Variants in CMTM8 observed in about 807,000 individuals in gnomAD.
CMTM8 encodes the protein CKLF like MARVEL transmembrane domain containing 8.
A neutral mutation model predicts 18.6 loss-of-function variants in CMTM8; 12 were observed. That is an observed-to-expected ratio of 0.65 (90% CI 0.41 to 1.05). The LOEUF is 1.05. CMTM8 is among the 50% of genes least tolerant of loss of function. CMTM8 has a pLI of 0.00. For missense variants in CMTM8, 217 were observed against 227.2 expected (o/e 0.95, Z 0.29); for synonymous variants, 87 against 90.6 (o/e 0.96, Z 0.23).
At chr3:32,261,336 A>G (rs1011679717) in intron 1 of CMTM8, among the ~76,000 whole-genome samples, 3 of 152,188 alleles carry the variant, frequency 2.0e-5, no homozygotes, top group Non-Finnish European at 1.5e-5. Flanking sequence ...GCACCTTTCT[A>G]TGTTTATTTA....
In CMTM8 at chr3:32,369,897, T is replaced by C. The variant is rs763876838; in HGVS notation, c.452T>C (p.Leu151Pro). 6.2e-7 allele frequency: 1 copy of C among 1,609,112 alleles called. No individual in the cohort carries two copies. The highest frequency in any genetic ancestry group is 1.3e-5 in the African/African-American group (1 of 74,890). The part of the protein sequence containing the change: ...SWAASSFFAF[L>P]VTICYAGNTY... Reference sequence around the variant, plus strand: ...TGTTTTCTCCAGTTCTTTGCCTTCCTGGTCACCATCTGCTACGCTGGAAAT... The same window carrying C: ...TGTTTTCTCCAGTTCTTTGCCTTCCCGGTCACCATCTGCTACGCTGGAAAT... Residue 151 changes from leucine to proline, a missense_variant, in exon 4 of 4, where the codon CTG (leucine) becomes CCG (proline). Transcript: ENST00000307526.
At chr3:32,275,318 C>T (rs1702499877) in intron 1 of CMTM8, among the ~76,000 whole-genome samples, 1 of 152,052 alleles carries the variant, frequency 6.6e-6, no homozygotes, top group Non-Finnish European at 1.5e-5. Context: ...TTTTTCTGAG[C>T]AGAATGACAC....
chr3:32,357,942 A>C (rs1388671734), intron 2 of CMTM8, among the ~76,000 whole-genome samples: 2 of 152,164 alleles, frequency 1.3e-5, no homozygotes, highest in Non-Finnish European at 2.9e-5. Flanking sequence ...TGTGGCCTTA[A>C]CCCTTTGTAC....
intron 2 of CMTM8, among the ~76,000 whole-genome samples, chr3:32,366,801 G>C (rs1009388960): frequency 3.3e-5 from 5 of 152,312 alleles, no homozygotes; most frequent in Admixed American, 6.5e-5. Flanking sequence ...CATTCCTAAT[G>C]AGTCATTTAG....
intron 1 of CMTM8, among the ~76,000 whole-genome samples, chr3:32,308,199 C>T (rs1271659941): frequency 6.6e-6 from 1 of 152,146 alleles, no homozygotes; most frequent in Non-Finnish European, 1.5e-5. Context: ...CACAGGGAGG[C>T]GGAGACATTC....
At chr3:32,357,886 G>T (rs17279970) in intron 2 of CMTM8, among the ~76,000 whole-genome samples, 2 of 151,998 alleles carry the variant, frequency 1.3e-5, no homozygotes, top group Non-Finnish European at 2.9e-5. Context: ...ATATGCCAGG[G>T]CGCCAACCTC....
chr3:32,239,065 C>T lies in CMTM8; in HGVS notation c.93C>T (p.Ala31=), dbSNP rs763857851. 4 of 1,598,584 alleles carry T rather than the reference C, an allele frequency of 2.5e-6. No individual in the cohort carries two copies. The highest frequency in any genetic ancestry group is 3.4e-6 in the Non-Finnish European group (4 of 1,173,234). Residue 31 remains alanine (A), a synonymous_variant, in exon 1 of 4, where the codon GCC becomes GCT. Transcript: ENST00000307526. The part of the protein sequence containing the change: ...ENFSTSSSSF[A]YDREFLRTLP... ...TCTCCACCAGCAGCAGCAGCTTCGCCTACGACCGGGAGTTCCTCCGCACCC... is the reference window on the plus strand; with the variant it reads ...TCTCCACCAGCAGCAGCAGCTTCGCTTACGACCGGGAGTTCCTCCGCACCC...
At chr3:32,282,701 G>A (rs898318290) in intron 1 of CMTM8, among the ~76,000 whole-genome samples, 2 of 152,142 alleles carry the variant, frequency 1.3e-5, no homozygotes, top group Non-Finnish European at 2.9e-5. Flanking sequence ...TGCATTTGGA[G>A]TGAGAGAGCC....
Position 32,238,792 on chromosome 3 carries a change from G to C in CMTM8, c.-181G>C, listed in dbSNP as rs1701903380. On this transcript the variant is annotated 5_prime_UTR_variant, in exon 1 of 4. Transcript: ENST00000307526. ...CGCACCGAGGCGCTAGGGGCACCGC[G>C]CACTAGAGGGACACCCGCCGCGCCT... The C allele has an allele frequency of 8.5e-6, 3 of 354,308 alleles. No homozygotes were observed. The highest frequency in any genetic ancestry group is 9.8e-6 in the Non-Finnish European group (2 of 203,506). The allele number at this position is 354,308 out of a possible 1,614,324, so 21.9% of individuals were successfully genotyped here.
chr3:32,249,089 G>A (rs9853415), intron 1 of CMTM8, among the ~76,000 whole-genome samples: 58,126 of 129,674 alleles, frequency 0.45, 13,100 homozygotes, highest in Middle Eastern at 0.57. Flanking sequence ...CGCCCAGGCC[G>A]CACTGCAGGC....
chr3:32,238,723 C>G lies in CMTM8; in HGVS notation c.-250C>G, dbSNP rs570411976. 2.1e-5 allele frequency: 5 copies of G among 235,720 alleles called. No homozygotes were observed. Among genetic ancestry groups the G allele is most frequent in the Admixed American group, 1.7e-4 (3 of 17,606 alleles). The allele number at this position is 235,720 out of a possible 1,614,324, so 14.6% of individuals were successfully genotyped here. A position where few individuals can be genotyped will look rare whatever the true frequency, so the allele number is the denominator to read the frequency against. ...GGCTGCCCGGCAGCCTCCCCTCGCT[C>G]GCTCTCCTCTTCCTCTAGGGCCCCA... is the stretch of plus-strand genomic sequence containing the variant. On this transcript the variant is annotated 5_prime_UTR_variant, in exon 1 of 4. Coordinates refer to ENST00000307526, the MANE Select transcript of CMTM8 (RefSeq NM_178868.5).
chr3:32,333,345 A>G (rs1166529561), intron 1 of CMTM8, among the ~76,000 whole-genome samples: 1 of 152,228 alleles, frequency 6.6e-6, no homozygotes, highest in Non-Finnish European at 1.5e-5. Context: ...TTCCTCATCT[A>G]GCTCCTTGCT....
At chr3:32,290,732 TTG>T (rs1348360385) in intron 1 of CMTM8, among the ~76,000 whole-genome samples, 2 of 152,240 alleles carry the variant, frequency 1.3e-5, no homozygotes, top group African/African-American at 2.4e-5. Flanking sequence ...ACACTTGTGT[TTG>T]TGTTTGCAGT....
intron 1 of CMTM8, among the ~76,000 whole-genome samples, chr3:32,276,475 C>T (rs115929149): frequency 0.011 from 1,736 of 152,278 alleles, 18 homozygotes; most frequent in Middle Eastern, 0.031. Context: ...TGAGAAATAC[C>T]TTCATGCTGG....
chr3:32,275,125 C>G (rs1485721066), intron 1 of CMTM8, among the ~76,000 whole-genome samples: 2 of 152,106 alleles, frequency 1.3e-5, no homozygotes, highest in Non-Finnish European at 2.9e-5. Flanking sequence ...CCACCTCAGC[C>G]TCCCAAGTAG....
chr3:32,294,347 G>C (rs186136431), intron 1 of CMTM8, among the ~76,000 whole-genome samples: 1 of 152,176 alleles, frequency 6.6e-6, no homozygotes, highest in African/African-American at 2.4e-5. Context: ...ATCCTGTGAG[G>C]CTTCCAGATG....
At chr3:32,257,569 C>T (rs1321229783) in intron 1 of CMTM8, among the ~76,000 whole-genome samples, 1 of 152,122 alleles carries the variant, frequency 6.6e-6, no homozygotes, top group African/African-American at 2.4e-5. Flanking sequence ...CCTTTCAACC[C>T]ATCTATTGCT....
chr3:32,269,353 T>G (rs1414953491), intron 1 of CMTM8, among the ~76,000 whole-genome samples: 1 of 152,254 alleles, frequency 6.6e-6, no homozygotes, highest in Non-Finnish European at 1.5e-5. Flanking sequence ...ACTTTGGAAA[T>G]TATGTCTAAG....
chr3:32,291,230 G>A (rs1196860896), intron 1 of CMTM8, among the ~76,000 whole-genome samples: 2 of 151,870 alleles, frequency 1.3e-5, no homozygotes, highest in Non-Finnish European at 2.9e-5. Flanking sequence ...CCGGGTTCAC[G>A]CCATTCTCCT....
Sources: gnomAD v4.1 joint callset for allele counts (sites outside exome capture counted in the v4.1 genomes callset) on GRCh38, gnomAD v4.1.1 for gene constraint, MANE v1.5 for transcripts, NCBI Gene and HGNC (gene_info 2026-07-23, HGNC 2026-07-21) for gene names.